The following IRF4 variants were observed in gnomAD, a reference collection of about 807,000 sequenced individuals.
The protein encoded by IRF4 is interferon regulatory factor 4.
A neutral mutation model predicts 55.5 loss-of-function variants in IRF4; 13 were observed. The observed-to-expected ratio is 0.23, with a 90% CI of 0.15 to 0.37. The LOEUF is 0.37. Ranked by LOEUF, IRF4 falls within the 10% of genes least tolerant of loss-of-function variation. The pLI is 1.00. For synonymous variants in IRF4, 249 were observed against 240.7 expected (o/e 1.03, Z -0.32); for missense variants, 397 against 593.8 (o/e 0.67, Z 3.44).
At position 405,022 on chromosome 6, in the gene IRF4, G is replaced by C; in HGVS notation, c.1104G>C (p.Leu368=). The change falls in exon 8 of 9, where the codon CTG becomes CTC. Residue 368 remains leucine (L), a synonymous_variant. Transcript: ENST00000380956. ...LFDTQQFLSE[L]QAFAHHGRSL... is the part of the protein sequence containing the mutation. ...CTTTCTTGTGGGCTTCTACAGAGCT[G>C]CAAGCGTTTGCTCACCACGGCCGCT... The C allele has an allele frequency of 1.2e-6, 2 of 1,609,384 alleles. No homozygotes were observed. Among genetic ancestry groups the C allele is most frequent in the Non-Finnish European group, 8.5e-7 (1 of 1,175,706 alleles).
intron 7 of IRF4, among the ~76,000 whole-genome samples, chr6:404,555 A>C (rs2127441695): frequency 6.6e-6 from 1 of 152,378 alleles, no homozygotes; most frequent in Middle Eastern, 3.4e-3. Context: ...TAGCACAGAT[A>C]CTGGATTATG....
At chr6:406,850 G>A in intron 8 of IRF4, 1 of 1,145,610 alleles carries the variant, frequency 8.7e-7, no homozygotes, top group Non-Finnish European at 1.1e-6. Context: ...GCTTGCCTTA[G>A]ATGCTGTAAA....
At chr6:396,465 G>C (rs148943953) in intron 4 of IRF4, among the ~76,000 whole-genome samples, 1 of 152,158 alleles carries the variant, frequency 6.6e-6, no homozygotes, top group Non-Finnish European at 1.5e-5. Context: ...CAGTCTTTTC[G>C]GATGATAAAA....
In IRF4 at chr6:393,141, G is replaced by A. The variant is rs776721867; in HGVS notation, c.-12G>A. ...GAGGACCCCGGGCGCGGGCGCGGAC[G>A]GCACGCGGGGCATGAACCTGGAGGG... On this transcript the variant is annotated 5_prime_UTR_variant, in exon 2 of 9. Transcript: ENST00000380956. The surrounding 1 kb of genome is among the most constrained non-coding windows in gnomAD (Gnocchi z 5.4). The A allele has an allele frequency of 1.9e-6, 3 of 1,546,930 alleles. No individual in the cohort carries two copies. The highest frequency in any genetic ancestry group is 2.6e-6 in the Non-Finnish European group (3 of 1,144,928).
At chr6:397,576 G>A in intron 5 of IRF4, 1 of 264,578 alleles carries the variant, frequency 3.8e-6, no homozygotes, top group Non-Finnish European at 7.1e-6. Flanking sequence ...AATAAGTAGG[G>A]ATGCTGGGAG....
chr6:399,581 G>A (rs1038540669), intron 6 of IRF4, among the ~76,000 whole-genome samples: 17 of 151,236 alleles, frequency 1.1e-4, no homozygotes, highest in Non-Finnish European at 2.2e-4. Flanking sequence ...GCAAGCACAC[G>A]TGCTATATGT....
chr6:410,487 A>G lies in IRF4; in HGVS notation c.*2889A>G, dbSNP rs1761670482. 4.4e-6 allele frequency: 1 copy of G among 228,982 alleles called. No homozygotes were observed. Among genetic ancestry groups the G allele is most frequent in the Non-Finnish European group, 8.7e-6 (1 of 115,354 alleles). The allele number at this position is 228,982 out of a possible 1,614,324, so 14.2% of individuals were successfully genotyped here. A position where few individuals can be genotyped will look rare whatever the true frequency, so the allele number is the denominator to read the frequency against. ...CATGGTGAGAAAAATGTAAAATCCTACAGTGAAATGAGCAGCCCTTACAGT... is the reference window on the plus strand; with the variant it reads ...CATGGTGAGAAAAATGTAAAATCCTGCAGTGAAATGAGCAGCCCTTACAGT... On this transcript the variant is annotated 3_prime_UTR_variant, in exon 9 of 9. Transcript: ENST00000380956.
In IRF4 at chr6:409,366, T is replaced by G; in HGVS notation, c.*1768T>G. 1 of 199,172 alleles carries G rather than the reference T, an allele frequency of 5.0e-6. No homozygotes were observed. The highest frequency in any genetic ancestry group is 1.0e-5 in the Non-Finnish European group (1 of 96,350). The allele number at this position is 199,172 out of a possible 1,614,324, so 12.3% of individuals were successfully genotyped here. ...GATCTCCTTTTTTCCCAGCCCAAAT[T>G]CTCCTCTCTAAAAGTGTCCACAAGA... On this transcript the variant is annotated 3_prime_UTR_variant, in exon 9 of 9. Transcript: ENST00000380956.
At chr6:405,709 T>A (rs1441161786) in intron 8 of IRF4, among the ~76,000 whole-genome samples, 1 of 152,226 alleles carries the variant, frequency 6.6e-6, no homozygotes, top group African/African-American at 2.4e-5. Flanking sequence ...CCTCTCGTAA[T>A]GTTCTCTAGC....
intron 7 of IRF4, among the ~76,000 whole-genome samples, chr6:403,088 G>C (rs959978965): frequency 2.6e-5 from 4 of 152,264 alleles, no homozygotes; most frequent in African/African-American, 9.6e-5. Context: ...CATAGGAAGA[G>C]GGAGAACTGT....
In IRF4 at chr6:393,067, C is replaced by A; in HGVS notation, c.-55-31C>A. ...GCGGGGTGCCCGGAGTGCGGTGCCT[C>A]GTGGCTGAAGGGCAGCTCTTCTCCC... On this transcript the variant is annotated intron_variant, in intron 1 of 8. Coordinates refer to ENST00000380956, the MANE Select transcript of IRF4 (RefSeq NM_002460.4). The surrounding 1 kb of genome is among the most constrained non-coding windows in gnomAD (Gnocchi z 5.4). The A allele has an allele frequency of 7.8e-7, 1 of 1,276,424 alleles. No individual in the cohort carries two copies. The highest frequency in any genetic ancestry group is 1.1e-6 in the Non-Finnish European group (1 of 928,732). 79.1% of individuals were successfully genotyped at this position (1,276,424 alleles called of 1,614,324 possible). A position where few individuals can be genotyped will look rare whatever the true frequency, so the allele number is the denominator to read the frequency against.
Position 398,928 on chromosome 6 carries a change from G to C in IRF4, c.738G>C (p.Ala246=), listed in dbSNP as rs144395675. ...EPSIRSAEAL[A]FSDCRLHICL... is the part of the protein sequence containing the mutation. ...GCATAAGGTCTGCCGAAGCCTTGGCGTTCTCAGGTGAGTGCAGGGTTTGCT... is the reference window on the plus strand; with the variant it reads ...GCATAAGGTCTGCCGAAGCCTTGGCCTTCTCAGGTGAGTGCAGGGTTTGCT... Residue 246 remains alanine (A), a synonymous_variant, in exon 6 of 9, where the codon GCG becomes GCC. Transcript: ENST00000380956. 5 of 1,609,490 alleles carry C rather than the reference G, an allele frequency of 3.1e-6. No homozygotes were observed. In the Admixed American group the frequency reaches 5.0e-5, roughly 16 times the overall value.
intron 8 of IRF4, among the ~76,000 whole-genome samples, chr6:406,333 G>A (rs1761541955): frequency 6.6e-6 from 1 of 152,186 alleles, no homozygotes; most frequent in African/African-American, 2.4e-5. Flanking sequence ...CATGTGGTCA[G>A]GAGTTCGAGA....
rs1000698747 is a variant in IRF4 at position 393,205 on chromosome 6, G to C, written c.53G>C (p.Ser18Thr). The stretch of plus-strand genomic sequence containing the variant: ...GGAGAGTTCGGCATGAGCGCGGTGA[G>C]CTGCGGCAACGGGAAGCTCCGCCAG... ...RGGEFGMSAV[S>T]CGNGKLRQWL... Residue 18 changes from serine (S) to threonine (T), a missense_variant, in exon 2 of 9, where the codon AGC becomes ACC. Transcript: ENST00000380956. This position sits in a 1 kb window ranked among gnomAD's most constrained non-coding sequence, Gnocchi z 5.4. 55 of 1,559,138 alleles carry C rather than the reference G, an allele frequency of 3.5e-5. No homozygotes were observed. The highest frequency in any genetic ancestry group is 4.4e-5 in the Non-Finnish European group (51 of 1,151,342).
intron 6 of IRF4, 116 bp downstream of exon 6, chr6:399,051 T>A: frequency 1.6e-6 from 1 of 623,254 alleles, no homozygotes; most frequent in Admixed American, 2.8e-5. Context: ...CCCTCTGGGG[T>A]CTGGAGTAGA....
intron 1 of IRF4, among the ~76,000 whole-genome samples, chr6:392,459 C>A (rs942584737): frequency 6.6e-6 from 1 of 152,278 alleles, no homozygotes; most frequent in East Asian, 1.9e-4. Flanking sequence ...CGCGCGGAAT[C>A]CCCCGTACTG....
intron 7 of IRF4, among the ~76,000 whole-genome samples, chr6:403,463 C>G (rs1761461453): frequency 1.3e-5 from 2 of 152,220 alleles, no homozygotes; most frequent in African/African-American, 4.8e-5. Context: ...TTCTGAGTGC[C>G]TCTTGCTGGG....
intron 6 of IRF4, among the ~76,000 whole-genome samples, chr6:401,053 T>C (rs973326203): frequency 2.6e-5 from 4 of 152,324 alleles, no homozygotes; most frequent in South Asian, 4.1e-4. Flanking sequence ...ACTTAGCAAG[T>C]TCTTAATAGT....
At chr6:401,305 C>G in intron 6 of IRF4, 119 bp from the exon 7 acceptor site, 5 of 740,830 alleles carry the variant, frequency 6.7e-6, no homozygotes, top group South Asian at 1.8e-5. Context: ...ACCTTTTGTT[C>G]CCCCACGGGA....
Sources: gnomAD v4.1 joint callset for allele counts (sites outside exome capture counted in the v4.1 genomes callset) on GRCh38, gnomAD v4.1.1 for gene constraint, Gnocchi (gnomAD v3.1) non-coding constraint, MANE v1.5 for transcripts, NCBI Gene and HGNC (gene_info 2026-07-23, HGNC 2026-07-21) for gene names.